COL9A1: variants seen among roughly 807,000 people sequenced by gnomAD.
COL9A1 encodes collagen alpha-1(IX) chain.
In COL9A1, 104 loss-of-function variants were observed where a neutral mutation model predicts 142.6. The observed-to-expected ratio is 0.73, with a 90% CI of 0.62 to 0.86. COL9A1 has a LOEUF of 0.86. COL9A1 is among the 40% of genes least tolerant of loss of function. The probability of loss-of-function intolerance (pLI) is 0.00; values close to 1 mark genes in which losing one functional copy is unlikely to be tolerated. For synonymous variants in COL9A1, 466 were observed against 396.0 expected (o/e 1.18, Z -2.10); for missense variants, 1,210 against 1,176.6 (o/e 1.03, Z -0.42).
At chr6:70,243,157 A>C (rs927400176) in intron 28 of COL9A1, among the ~76,000 whole-genome samples, 1 of 152,244 alleles carries the variant, frequency 6.6e-6, no homozygotes, top group Non-Finnish European at 1.5e-5. Context: ...ACCTCAACAG[A>C]GTGAAAAAAG....
At chr6:70,253,787 T>C (rs1170457314) in intron 25 of COL9A1, among the ~76,000 whole-genome samples, 4 of 152,154 alleles carry the variant, frequency 2.6e-5, no homozygotes, top group Admixed American at 2.0e-4. Flanking sequence ...TGTGACATGG[T>C]TTCATGTACA....
At chr6:70,298,040 A>G (rs1773909516) in intron 4 of COL9A1, among the ~76,000 whole-genome samples, 1 of 152,228 alleles carries the variant, frequency 6.6e-6, no homozygotes, top group African/African-American at 2.4e-5. Context: ...GTCCCTTTAT[A>G]GGAACATTGT....
At position 70,300,319 on chromosome 6, in the gene COL9A1, A is replaced by G; in HGVS notation, c.156T>C (p.Asp52=). ...TACATTGCTACTCACCTGGTAAGTC[A>G]TCTTGGCCAATCCTGATCTTTGGAC... The part of the protein sequence containing the change: ...ELCPKIRIGQ[D]DLPGFDLISQ... The change falls in exon 3 of 38, where the codon GAT becomes GAC. Residue 52 remains aspartate, a synonymous_variant. Transcript: ENST00000357250. The G allele has an allele frequency of 1.2e-6, 2 of 1,613,670 alleles. No homozygotes were observed. Among genetic ancestry groups the G allele is most frequent in the Admixed American group, 1.7e-5 (1 of 60,016 alleles).
chr6:70,301,944 G>A (rs1562335269), intron 2 of COL9A1, 57 bp downstream of exon 2: 1 of 1,400,054 alleles, frequency 7.1e-7, no homozygotes, highest in Non-Finnish European at 1.0e-6. Flanking sequence ...CCACAGCCCT[G>A]CCTGATCATT....
At chr6:70,242,225 C>G (rs555619217) in intron 29 of COL9A1, 190 bp from the exon 30 acceptor site, 8 of 653,806 alleles carry the variant, frequency 1.2e-5, no homozygotes, top group African/African-American at 8.9e-5. Context: ...GTTCTCCCAG[C>G]CTTCACTCCA....
chr6:70,232,869 G>A (rs1350602187), intron 35 of COL9A1, 98 bp from the exon 36 acceptor site: 1 of 1,188,966 alleles, frequency 8.4e-7, no homozygotes, highest in Non-Finnish European at 1.2e-6. Flanking sequence ...TTCTAAATGT[G>A]TCACCAGATC....
chr6:70,296,317 CT>C (rs1308900662), intron 4 of COL9A1, among the ~76,000 whole-genome samples: 2 of 152,092 alleles, frequency 1.3e-5, no homozygotes, highest in East Asian at 1.9e-4. Context: ...ATCCATACAT[CT>C]TTTTTTCACT....
intron 5 of COL9A1, among the ~76,000 whole-genome samples, chr6:70,286,509 A>G (rs1291356340): frequency 6.6e-6 from 1 of 152,254 alleles, no homozygotes; most frequent in Non-Finnish European, 1.5e-5. Context: ...AATTATGATT[A>G]AATTTTACAA....
At chr6:70,282,236 A>G (rs539646503) in intron 7 of COL9A1, among the ~76,000 whole-genome samples, 1 of 151,942 alleles carries the variant, frequency 6.6e-6, no homozygotes, top group East Asian at 1.9e-4. Flanking sequence ...AAAAGAAGAG[A>G]CTCTTTCATC....
At chr6:70,300,659 T>G (rs190053031) in intron 2 of COL9A1, among the ~76,000 whole-genome samples, 1 of 152,176 alleles carries the variant, frequency 6.6e-6, no homozygotes, top group Non-Finnish European at 1.5e-5. Flanking sequence ...AAGGGGTGGA[T>G]GCAAGGCACA....
chr6:70,218,447 C>T (rs1394705575), intron 37 of COL9A1, among the ~76,000 whole-genome samples: 1 of 152,114 alleles, frequency 6.6e-6, no homozygotes, highest in African/African-American at 2.4e-5. Context: ...GAATGTTTAC[C>T]CCAGTGCACT....
Position 70,280,973 on chromosome 6 carries a change from A to C in COL9A1, c.912+31T>G. 3 of 1,613,658 alleles carry C rather than the reference A, an allele frequency of 1.9e-6. No homozygotes were observed. The Middle Eastern group carries it at 4.9e-4, about 266-fold the overall frequency. On this transcript the variant is annotated intron_variant, in intron 9 of 37. Transcript: ENST00000357250. ...CTGCAAAACACGTCTAAAGGAAGGA[A>C]GTGGAGCGCCATATGCTCCAATCAA...
At chr6:70,286,512 T>G (rs671148) in intron 5 of COL9A1, among the ~76,000 whole-genome samples, 20,882 of 152,212 alleles carry the variant, frequency 0.14, 1,691 homozygotes, top group African/African-American at 0.22. Context: ...TATGATTAAA[T>G]TTTACAACTA....
intron 33 of COL9A1, among the ~76,000 whole-genome samples, chr6:70,238,860 C>T (rs923178081): frequency 1.1e-4 from 17 of 152,196 alleles, no homozygotes; most frequent in African/African-American, 3.6e-4. Context: ...GAGTGTTGGC[C>T]GGGTGTGGTG....
intron 29 of COL9A1, among the ~76,000 whole-genome samples, 195 bp downstream of exon 29, chr6:70,242,467 A>G (rs1770322720): frequency 6.6e-6 from 1 of 152,210 alleles, no homozygotes; most frequent in Admixed American, 6.5e-5. Context: ...GATGCTACAA[A>G]CCACGCAGAT....
At chr6:70,293,671 ACAC>A (rs1240415075) in intron 5 of COL9A1, among the ~76,000 whole-genome samples, 2 of 144,350 alleles carry the variant, frequency 1.4e-5, no homozygotes, top group Non-Finnish European at 3.1e-5. Context: ...ACACACACAC[ACAC>A]ATTTTCATAT....
At chr6:70,228,688 T>A (rs1433973401) in intron 36 of COL9A1, among the ~76,000 whole-genome samples, 2 of 152,150 alleles carry the variant, frequency 1.3e-5, no homozygotes, top group Admixed American at 6.5e-5. Flanking sequence ...TTGATTTTAG[T>A]TGTGAATGTC....
At chr6:70,295,656 A>G (rs1242600085) in intron 4 of COL9A1, among the ~76,000 whole-genome samples, 1 of 152,170 alleles carries the variant, frequency 6.6e-6, no homozygotes, top group Non-Finnish European at 1.5e-5. Flanking sequence ...AAATGGCAGA[A>G]TAAAACCAGT....
intron 28 of COL9A1, among the ~76,000 whole-genome samples, chr6:70,249,695 A>C (rs1001549506): frequency 6.6e-6 from 1 of 152,170 alleles, no homozygotes; most frequent in African/African-American, 2.4e-5. Flanking sequence ...TTCAAAAATC[A>C]AAAATCTAAA....
Sources: allele counts gnomAD v4.1 joint callset (sites outside exome capture counted in the v4.1 genomes callset), GRCh38; gene constraint gnomAD v4.1.1; transcripts MANE v1.5; gene names NCBI Gene and HGNC (gene_info 2026-07-23, HGNC 2026-07-21).